COL19A1: variants seen among roughly 807,000 people sequenced by gnomAD.
COL19A1 encodes collagen alpha-1(XIX) chain.
A neutral mutation model predicts 190.2 loss-of-function variants in COL19A1; 159 were observed. That is an observed-to-expected ratio of 0.84 (90% confidence interval 0.73 to 0.95). The LOEUF is 0.95. Among genes scored for constraint, COL19A1 ranks in the 40% least tolerant of loss-of-function variants. COL19A1 has a pLI of 0.00. For synonymous variants in COL19A1, 509 were observed against 458.9 expected, an observed-to-expected ratio of 1.11 and a Z score of -1.39; for missense variants, 1,418 against 1,431.9, an observed-to-expected ratio of 0.99 and a Z score of 0.16.
intron 4 of COL19A1, among the ~76,000 whole-genome samples, chr6:69,921,297 TATCATATATCATATATCATATA>T (rs1339377623): frequency 7.6e-6 from 1 of 131,950 alleles, no homozygotes; most frequent in Non-Finnish European, 1.5e-5. Flanking sequence ...ATATCATATA[TATCATATATCATATATCATATA>T]ATCATATATC....
At chr6:70,080,715 A>G (rs1203491270) in intron 15 of COL19A1, among the ~76,000 whole-genome samples, 1 of 152,128 alleles carries the variant, frequency 6.6e-6, no homozygotes, top group East Asian at 1.9e-4. Context: ...GTAAACTGTC[A>G]TTTATTTTTT....
chr6:70,020,894 C>A (rs1342924753), intron 11 of COL19A1, among the ~76,000 whole-genome samples: 1 of 152,066 alleles, frequency 6.6e-6, no homozygotes, highest in East Asian at 1.9e-4. Context: ...TCATTGAATA[C>A]CATTTTTCTG....
At chr6:70,131,706 C>T (rs888084786) in intron 18 of COL19A1, among the ~76,000 whole-genome samples, 11 of 152,308 alleles carry the variant, frequency 7.2e-5, no homozygotes, top group Admixed American at 2.6e-4. Context: ...AAGCTTGTCA[C>T]ATAGGACAGC....
intron 14 of COL19A1, among the ~76,000 whole-genome samples, chr6:70,057,489 C>A (rs1219484111): frequency 6.6e-6 from 1 of 151,934 alleles, no homozygotes; most frequent in Non-Finnish European, 1.5e-5. Flanking sequence ...AGAATAATTA[C>A]CAAAGCTAAA....
intron 41 of COL19A1, among the ~76,000 whole-genome samples, chr6:70,172,686 G>T (rs1282564043): frequency 6.6e-6 from 1 of 152,112 alleles, no homozygotes; most frequent in East Asian, 1.9e-4. Context: ...CTTTGTTCAT[G>T]ATATGTTAGA....
At chr6:70,035,278 A>G (rs1779290863) in intron 13 of COL19A1, among the ~76,000 whole-genome samples, 1 of 152,222 alleles carries the variant, frequency 6.6e-6, no homozygotes, top group South Asian at 2.1e-4. Context: ...GAAAATAGTG[A>G]ACTTTTAGAT....
intron 11 of COL19A1, among the ~76,000 whole-genome samples, chr6:69,986,532 A>G (rs558403890): frequency 1.3e-5 from 2 of 152,152 alleles, no homozygotes; most frequent in Non-Finnish European, 1.5e-5. Flanking sequence ...TTGCATTTTA[A>G]TAAACTCTCT....
intron 4 of COL19A1, among the ~76,000 whole-genome samples, chr6:69,903,108 T>A: frequency 6.6e-6 from 1 of 152,214 alleles, no homozygotes; most frequent in East Asian, 1.9e-4. Context: ...CAGCATCGGT[T>A]CAGATTACCA....
rs762726264 is a variant in COL19A1, at chr6:70,142,827, A to G, written c.1626+7A>G. ...AGGACCGCCAGGAGATGTTGTATGT[A>G]TAATGTCTTTGATATTTCTGGAATT... is the stretch of plus-strand genomic sequence containing the variant. On this transcript the variant is annotated splice_region_variant and intron_variant, in intron 23 of 50. Transcript: ENST00000620364. 3 of 1,610,180 alleles carry G rather than the reference A, an allele frequency of 1.9e-6. No homozygotes were observed. Among genetic ancestry groups the G allele is most frequent in the Non-Finnish European group, 2.5e-6 (3 of 1,177,802 alleles).
At chr6:69,937,798 A>T (rs376934658) in intron 8 of COL19A1, among the ~76,000 whole-genome samples, 1 of 152,270 alleles carries the variant, frequency 6.6e-6, no homozygotes, top group East Asian at 1.9e-4. Context: ...GTTCCAGCTC[A>T]TGGAAGGTCT....
chr6:69,959,686 A>C (rs1774651508), intron 9 of COL19A1, among the ~76,000 whole-genome samples: 1 of 152,230 alleles, frequency 6.6e-6, no homozygotes, highest in African/African-American at 2.4e-5. Flanking sequence ...AAATGAAATG[A>C]GATACTAAAT....
intron 1 of COL19A1, among the ~76,000 whole-genome samples, chr6:69,872,777 C>T (rs1182925473): frequency 6.6e-6 from 1 of 152,182 alleles, no homozygotes; most frequent in African/African-American, 2.4e-5. Context: ...ACTTTATAGG[C>T]TCCATCAATG....
intron 15 of COL19A1, among the ~76,000 whole-genome samples, chr6:70,073,206 T>C (rs868418253): frequency 1.3e-5 from 2 of 152,212 alleles, no homozygotes; most frequent in Middle Eastern, 3.4e-3. Context: ...CAGGCTGGTC[T>C]CAAACTCCTG....
At chr6:70,145,437 A>G (rs756222279) in intron 25 of COL19A1, among the ~76,000 whole-genome samples, 1 of 152,164 alleles carries the variant, frequency 6.6e-6, no homozygotes, top group Non-Finnish European at 1.5e-5. Flanking sequence ...AAAACGAAAT[A>G]CTACATGTCC....
chr6:69,948,313 G>A (rs180689103), intron 9 of COL19A1, among the ~76,000 whole-genome samples: 18 of 151,894 alleles, frequency 1.2e-4, no homozygotes, highest in Non-Finnish European at 2.2e-4. Context: ...ATAAATTATG[G>A]CATAGCAGGA....
intron 15 of COL19A1, among the ~76,000 whole-genome samples, chr6:70,080,984 T>G (rs183135812): frequency 3.3e-5 from 5 of 152,170 alleles, no homozygotes; most frequent in Non-Finnish European, 7.4e-5. Context: ...CTTTTCAAAG[T>G]AAAATGAGGA....
In COL19A1 at chr6:69,959,976, A is replaced by T. The variant is rs1432823918; in HGVS notation, c.937-20A>T. 1 of 1,610,734 alleles carries T rather than the reference A, an allele frequency of 6.2e-7. No homozygotes were observed. The highest frequency in any genetic ancestry group is 1.7e-5 in the Admixed American group (1 of 59,610). On this transcript the variant is annotated intron_variant, in intron 9 of 50. Transcript: ENST00000620364. ...TATATCTTTATGGATCATAAACATT[A>T]TTCTGTGTACTTCTTTTAGGGTGAA...
chr6:70,076,043 G>A (rs1781865577), intron 15 of COL19A1, among the ~76,000 whole-genome samples: 1 of 152,186 alleles, frequency 6.6e-6, no homozygotes, highest in Non-Finnish European at 1.5e-5. Flanking sequence ...TGTGGAAGAG[G>A]CACATCATCT....
At position 69,962,467 on chromosome 6, in the gene COL19A1, A is replaced by C. The variant is rs6942250; in HGVS notation, c.982-359A>C. ...TCTAGTAAAATAAATAGTAATTATA[A>C]GAAGAATGGCTAACTTAGTCTTTGC... On this transcript the variant is annotated intron_variant, in intron 10 of 50. Transcript: ENST00000620364. 2.0e-5 allele frequency among the ~76,000 whole-genome samples: 3 copies of C among 152,360 alleles called. No individual in the cohort carries two copies. In the East Asian group the frequency reaches 5.8e-4, roughly 29 times the overall value.
Sources: allele counts gnomAD v4.1 joint callset (sites outside exome capture counted in the v4.1 genomes callset), GRCh38; gene constraint gnomAD v4.1.1; transcripts MANE v1.5; gene names NCBI Gene and HGNC (gene_info 2026-07-23, HGNC 2026-07-21).